MOXD1: variants seen among roughly 807,000 people sequenced by gnomAD.
The protein encoded by MOXD1 is monooxygenase DBH like 1.
A neutral mutation model predicts 66.6 loss-of-function variants in MOXD1; 62 were observed. That is an observed-to-expected ratio of 0.93 (90% CI 0.76 to 1.15). The LOEUF (loss-of-function observed/expected upper bound fraction) is 1.15, where lower values mean the gene tolerates loss of function less well. Ranked by LOEUF, MOXD1 falls within the 50% of genes most tolerant of loss-of-function variation. The pLI is 0.00. For missense variants in MOXD1, 847 were observed against 754.6 expected, an observed-to-expected ratio of 1.12 and a Z score of -1.44; for synonymous variants, 303 against 281.9, an observed-to-expected ratio of 1.07 and a Z score of -0.75.
intron 10 of MOXD1, among the ~76,000 whole-genome samples, chr6:132,311,569 C>T (rs1209952400): frequency 6.6e-6 from 1 of 151,872 alleles, no homozygotes; most frequent in Non-Finnish European, 1.5e-5. Context: ...ACATTCGAGA[C>T]CCTCTTCATA....
intron 4 of MOXD1, among the ~76,000 whole-genome samples, chr6:132,362,121 T>C (rs993233266): frequency 6.6e-6 from 1 of 152,152 alleles, no homozygotes; most frequent in South Asian, 2.1e-4. Flanking sequence ...AAGTATACAA[T>C]TGTTTCCATT....
intron 10 of MOXD1, among the ~76,000 whole-genome samples, chr6:132,304,373 T>G (rs1354930805): frequency 1.3e-5 from 2 of 152,158 alleles, no homozygotes; most frequent in African/African-American, 4.8e-5. Flanking sequence ...AATTACCCAG[T>G]CTAAGCTATT....
chr6:132,367,829 G>A (rs1175371920), intron 4 of MOXD1, among the ~76,000 whole-genome samples: 1 of 151,936 alleles, frequency 6.6e-6, no homozygotes, highest in African/African-American at 2.4e-5. Flanking sequence ...TAAGTTACAT[G>A]ACTAATAAAT....
intron 4 of MOXD1, among the ~76,000 whole-genome samples, chr6:132,332,739 A>G (rs546909883): frequency 3.5e-4 from 53 of 152,314 alleles, no homozygotes; most frequent in Admixed American, 1.8e-3. Context: ...ACTGCTACCA[A>G]TCCCCTGATG....
intron 1 of MOXD1, among the ~76,000 whole-genome samples, chr6:132,381,138 T>C (rs1776499848): frequency 6.6e-6 from 1 of 152,230 alleles, no homozygotes; most frequent in Admixed American, 6.5e-5. Context: ...TTGAAGATGC[T>C]CATGAAATAC....
rs777207963 is a variant in MOXD1, at chr6:132,328,038, A to G, written c.921T>C (p.His307=). Residue 307 remains histidine, a synonymous_variant, in exon 6 of 12, where the codon CAT becomes CAC. Transcript: ENST00000367963. ...LDPHYVLLEV[H]YDNPTYEEGL... is the part of the protein sequence containing the mutation. ...CTTCCTCATAAGTGGGATTATCATA[A>G]TGGACTTCTAGGAGCACATAATGCG... 1.2e-6 allele frequency: 2 copies of G among 1,613,410 alleles called. No homozygotes were observed. Among genetic ancestry groups the G allele is most frequent in the African/African-American group, 1.3e-5 (1 of 75,018 alleles).
At chr6:132,326,772 T>C (rs569531019) in intron 6 of MOXD1, among the ~76,000 whole-genome samples, 160 of 152,268 alleles carry the variant, frequency 1.1e-3, no homozygotes, top group South Asian at 4.1e-3. Flanking sequence ...AGAAACTATT[T>C]CCTATTAATT....
chr6:132,358,503 A>G (rs1254258549), intron 4 of MOXD1, among the ~76,000 whole-genome samples: 1 of 152,252 alleles, frequency 6.6e-6, no homozygotes, highest in Non-Finnish European at 1.5e-5. Flanking sequence ...CATGATGAGC[A>G]ATCCATAAAT....
intron 4 of MOXD1, among the ~76,000 whole-genome samples, chr6:132,341,750 C>A (rs184449851): frequency 6.6e-6 from 1 of 152,314 alleles, no homozygotes; most frequent in East Asian, 1.9e-4. Context: ...CCTTATGCAA[C>A]TTTGCTTATT....
At chr6:132,356,640 G>A (rs888037397) in intron 4 of MOXD1, among the ~76,000 whole-genome samples, 1 of 152,070 alleles carries the variant, frequency 6.6e-6, no homozygotes, top group Non-Finnish European at 1.5e-5. Flanking sequence ...GTGTATGGCT[G>A]CAAAAATTAT....
At chr6:132,397,855 A>C (rs1320918103) in intron 1 of MOXD1, among the ~76,000 whole-genome samples, 1 of 152,126 alleles carries the variant, frequency 6.6e-6, no homozygotes, top group East Asian at 1.9e-4. Context: ...GTTGCATTAC[A>C]TCCTGCCTGT....
At chr6:132,318,696 A>G (rs1221101528) in intron 9 of MOXD1, among the ~76,000 whole-genome samples, 1 of 152,058 alleles carries the variant, frequency 6.6e-6, no homozygotes, top group Non-Finnish European at 1.5e-5. Context: ...TTTAATTTAC[A>G]GTTTGTGCTT....
At chr6:132,320,898 CACA>C (rs888584714) in intron 8 of MOXD1, among the ~76,000 whole-genome samples, 1 of 152,140 alleles carries the variant, frequency 6.6e-6, no homozygotes, top group African/African-American at 2.4e-5. Flanking sequence ...CACCAGACTC[CACA>C]ACATTCTAGC....
At chr6:132,358,732 A>G (rs1007834753) in intron 4 of MOXD1, among the ~76,000 whole-genome samples, 3 of 152,210 alleles carry the variant, frequency 2.0e-5, no homozygotes, top group Non-Finnish European at 4.4e-5. Context: ...GCTATTATGG[A>G]GAAAATACCC....
intron 1 of MOXD1, among the ~76,000 whole-genome samples, chr6:132,383,338 G>A (rs1356311569): frequency 5.7e-4 from 87 of 152,092 alleles, no homozygotes; most frequent in Non-Finnish European, 4.4e-5. Flanking sequence ...TATTTCTTCA[G>A]TAATCTTAGA....
At chr6:132,298,878 C>T (rs1269869670) in intron 10 of MOXD1, among the ~76,000 whole-genome samples, 1 of 152,134 alleles carries the variant, frequency 6.6e-6, no homozygotes, top group Non-Finnish European at 1.5e-5. Flanking sequence ...TCTCAAAGAA[C>T]TTAAAACAGA....
chr6:132,400,627 T>A lies in MOXD1; in HGVS notation c.264+536A>T, dbSNP rs114301195. Among the ~76,000 whole-genome samples the A allele has an allele frequency of 9.3e-3, 1,413 of 152,254 alleles. 29 individuals are homozygous for A. Among genetic ancestry groups the A allele is most frequent in the African/African-American group, 0.033 (1,350 of 41,534 alleles). On this transcript the variant is annotated intron_variant, in intron 1 of 11. Transcript: ENST00000367963. The stretch of plus-strand genomic sequence containing the variant: ...ACAGCTCTCGGAATAGGAAAGTCCC[T>A]AAGCGATTCTTAGGGGCCCTTCATT...
chr6:132,325,117 G>A (rs950209708), intron 6 of MOXD1: 1 of 152,038 alleles, frequency 6.6e-6, no homozygotes, highest in Non-Finnish European at 1.5e-5. Flanking sequence ...AAAAATCCAA[G>A]CTTTACTTTC....
Position 132,374,651 on chromosome 6 carries a change from T to C in MOXD1, c.391A>G (p.Ile131Val), listed in dbSNP as rs1324568903. 8 of 1,613,862 alleles carry C rather than the reference T, an allele frequency of 5.0e-6. No individual in the cohort carries two copies. Among genetic ancestry groups the C allele is most frequent in the Non-Finnish European group, 6.8e-6 (8 of 1,179,988 alleles). ...CTTACCGTTATACTCTTGTCATTTA[T>C]GTCACATGTATGCAGCTCTCTGGTA... ...EFTRELHTCD[I>V]NDKSITDSTV... Residue 131 changes from isoleucine (I) to valine (V), a missense_variant, in exon 2 of 12, where the codon ATA becomes GTA. Ile to Val is a conservative substitution (Grantham distance 29). Transcript: ENST00000367963.
Sources: allele counts gnomAD v4.1 joint callset (sites outside exome capture counted in the v4.1 genomes callset), GRCh38; gene constraint gnomAD v4.1.1; transcripts MANE v1.5; gene names NCBI Gene and HGNC (gene_info 2026-07-23, HGNC 2026-07-21).